Variants in HMCN1 observed in about 807,000 individuals in gnomAD.
HMCN1 encodes the protein hemicentin-1.
In HMCN1, 321 loss-of-function variants were observed where a neutral mutation model predicts 625.9. The observed-to-expected ratio is 0.51, with a 90% CI of 0.47 to 0.56. HMCN1 has a LOEUF of 0.56. HMCN1 is among the 20% of genes least tolerant of loss of function. The probability of loss-of-function intolerance (pLI) is 0.00; values close to 1 mark genes in which losing one functional copy is unlikely to be tolerated. For synonymous variants in HMCN1, 2,425 were observed against 2,417.6 expected (o/e 1.00, Z -0.09); for missense variants, 6,588 against 6,887.3 (o/e 0.96, Z 1.54).
chr1:186,093,067 G>C, intron 64 of HMCN1, 67 bp from the exon 65 acceptor site: 1 of 1,600,230 alleles, frequency 6.2e-7, no homozygotes, highest in South Asian at 1.1e-5. Context: ...ATTTTAATAG[G>C]CTTTCATGTA....
At chr1:185,924,110 GA>G (rs577791209) in intron 8 of HMCN1, among the ~76,000 whole-genome samples, 74 of 150,386 alleles carry the variant, frequency 4.9e-4, no homozygotes, top group African/African-American at 1.7e-3. Context: ...CTACTATGTA[GA>G]GAGGAGATTA....
intron 1 of HMCN1, among the ~76,000 whole-genome samples, chr1:185,784,334 C>T (rs527465978): frequency 2.6e-5 from 4 of 152,250 alleles, no homozygotes; most frequent in South Asian, 2.1e-4. Flanking sequence ...CCTTGGCTCA[C>T]GTTTGGTGGG....
chr1:186,050,869 A>G (rs1446297716), intron 42 of HMCN1, among the ~76,000 whole-genome samples: 2 of 152,110 alleles, frequency 1.3e-5, no homozygotes, highest in Non-Finnish European at 2.9e-5. Context: ...CGGAACTTAT[A>G]GTTGGCTGGT....
chr1:185,781,184 C>A (rs915049574), intron 1 of HMCN1, among the ~76,000 whole-genome samples: 1 of 152,134 alleles, frequency 6.6e-6, no homozygotes, highest in Non-Finnish European at 1.5e-5. Flanking sequence ...TCTGTGCAAT[C>A]GGTGGTGATA....
At chr1:185,876,323 C>T (rs1205758517) in intron 4 of HMCN1, among the ~76,000 whole-genome samples, 5 of 151,932 alleles carry the variant, frequency 3.3e-5, no homozygotes, top group Admixed American at 1.3e-4. Context: ...CATTGATGAA[C>T]GCTTTGGTTT....
intron 1 of HMCN1, among the ~76,000 whole-genome samples, chr1:185,842,939 A>G (rs1661575479): frequency 6.6e-6 from 1 of 152,138 alleles, no homozygotes. Flanking sequence ...CACTCAGCAT[A>G]AAATACGTTA....
intron 11 of HMCN1, among the ~76,000 whole-genome samples, chr1:185,942,871 C>G (rs1176375568): frequency 6.6e-6 from 1 of 151,722 alleles, no homozygotes; most frequent in African/African-American, 2.4e-5. Context: ...TATTCAGGTT[C>G]AATAATTTGC....
At chr1:185,915,963 G>A (rs116037227) in intron 6 of HMCN1, among the ~76,000 whole-genome samples, 8,328 of 151,840 alleles carry the variant, frequency 0.055, 340 homozygotes, top group Non-Finnish European at 0.079. Flanking sequence ...TTCCAATATC[G>A]GACTGTCAAC....
At chr1:185,930,703 T>G (rs2102490910) in intron 10 of HMCN1, among the ~76,000 whole-genome samples, 1 of 152,172 alleles carries the variant, frequency 6.6e-6, no homozygotes, top group African/African-American at 2.4e-5. Flanking sequence ...GGTTATTGGG[T>G]TATTGATTGT....
At position 186,087,588 on chromosome 1, in the gene HMCN1, G is replaced by A. The variant is rs770541650; in HGVS notation, c.9306G>A (p.Glu3102=). 2.6e-5 allele frequency: 42 copies of A among 1,613,140 alleles called. 1 individual carries two copies. In the South Asian group the frequency reaches 3.4e-4, roughly 13 times the overall value. Residue 3102 remains glutamate, a synonymous_variant, in exon 60 of 107, where the codon GAG becomes GAA. Transcript: ENST00000271588. ...TWYKNGRMIT[E]STHVEILADG... Reference sequence around the variant, plus strand: ...ATAAGAATGGGCGGATGATAACAGAGTCTACTCATGTGGAGATTTTAGCTG... The same window carrying A: ...ATAAGAATGGGCGGATGATAACAGAATCTACTCATGTGGAGATTTTAGCTG...
chr1:186,162,029 C>T (rs947093154), intron 97 of HMCN1, among the ~76,000 whole-genome samples: 11 of 152,168 alleles, frequency 7.2e-5, no homozygotes, highest in African/African-American at 2.7e-4. Flanking sequence ...AACTTGGTTC[C>T]CTTCTCCCCA....
At chr1:185,780,744 G>T (rs1264360166) in intron 1 of HMCN1, among the ~76,000 whole-genome samples, 1 of 152,184 alleles carries the variant, frequency 6.6e-6, no homozygotes, top group Non-Finnish European at 1.5e-5. Context: ...GCTGGATTCG[G>T]TTTGCCAGTA....
chr1:186,090,627 A>G, intron 63 of HMCN1, 131 bp from the exon 64 acceptor site: 2 of 978,346 alleles, frequency 2.0e-6, no homozygotes, highest in Non-Finnish European at 1.6e-6. Flanking sequence ...CATGAAGATA[A>G]CAATAGTTTG....
chr1:186,047,447 G>A lies in HMCN1; in HGVS notation c.6481-1296G>A, dbSNP rs540756650. 2.0e-5 allele frequency among the ~76,000 whole-genome samples: 3 copies of A among 152,178 alleles called. No individual in the cohort carries two copies. In the South Asian group the frequency reaches 6.2e-4, roughly 32 times the overall value. On this transcript the variant is annotated intron_variant, in intron 41 of 106. Coordinates refer to ENST00000271588, the MANE Select transcript of HMCN1 (RefSeq NM_031935.3). The stretch of plus-strand genomic sequence containing the variant: ...GAGGGGTTTAGGGAGAAGATCAGAG[G>A]AATGAAAACTTTTATGGAACACAAT...
At chr1:185,738,514 A>G (rs1653751130) in intron 1 of HMCN1, among the ~76,000 whole-genome samples, 1 of 152,182 alleles carries the variant, frequency 6.6e-6, no homozygotes, top group South Asian at 2.1e-4. Flanking sequence ...TTATGGCCAA[A>G]TAATATTCCA....
intron 71 of HMCN1, 92 bp downstream of exon 71, chr1:186,108,689 A>G: frequency 7.2e-7 from 1 of 1,382,492 alleles, no homozygotes; most frequent in South Asian, 1.2e-5. Context: ...CACAAAACCA[A>G]CTAACATCAG....
At chr1:185,745,895 G>A (rs1654358171) in intron 1 of HMCN1, among the ~76,000 whole-genome samples, 1 of 152,174 alleles carries the variant, frequency 6.6e-6, no homozygotes, top group African/African-American at 2.4e-5. Context: ...AAAGGAAGGA[G>A]ACAGGATAGA....
chr1:186,055,168 A>T (rs1399693253), intron 44 of HMCN1, among the ~76,000 whole-genome samples: 1 of 152,072 alleles, frequency 6.6e-6, no homozygotes, highest in African/African-American at 2.4e-5. Flanking sequence ...AGCAATCTTT[A>T]CTTACTGTGT....
At chr1:186,046,022 A>AT (rs1656547219) in intron 41 of HMCN1, among the ~76,000 whole-genome samples, 159 bp downstream of exon 41, 1 of 152,134 alleles carries the variant, frequency 6.6e-6, no homozygotes, top group South Asian at 2.1e-4. Flanking sequence ...ATATTTAAAA[A>AT]TTTTTTTGTT....
Sources: allele counts gnomAD v4.1 joint callset (sites outside exome capture counted in the v4.1 genomes callset), GRCh38; gene constraint gnomAD v4.1.1; transcripts MANE v1.5; gene names NCBI Gene and HGNC (gene_info 2026-07-23, HGNC 2026-07-21).